Variants in EXTL3 observed in about 807,000 individuals in gnomAD.
The protein encoded by EXTL3 is exostosin-like 3.
In EXTL3, 27 loss-of-function variants were observed where a neutral mutation model predicts 69.3. That is an observed-to-expected ratio of 0.39 (90% confidence interval 0.29 to 0.54). The LOEUF is 0.54. Ranked by LOEUF, EXTL3 falls within the 20% of genes least tolerant of loss-of-function variation. The probability of loss-of-function intolerance (pLI) is 0.69; values close to 1 mark genes in which losing one functional copy is unlikely to be tolerated. For missense variants in EXTL3, 1,003 were observed against 1,231.8 expected, an observed-to-expected ratio of 0.81 and a Z score of 2.78; for synonymous variants, 511 against 499.4, an observed-to-expected ratio of 1.02 and a Z score of -0.31.
At chr8:28,705,308 G>A (rs1356128636) in intron 1 of EXTL3, among the ~76,000 whole-genome samples, 2 of 152,202 alleles carry the variant, frequency 1.3e-5, no homozygotes, top group African/African-American at 2.4e-5. Context: ...AGTCAAGAAC[G>A]AGGAATTGGG....
At chr8:28,671,309 GTTTTTTTTTTT>G (rs749395423) in intron 1 of EXTL3, among the ~76,000 whole-genome samples, 4 of 89,602 alleles carry the variant, frequency 4.5e-5, no homozygotes, top group Non-Finnish European at 9.1e-5. Flanking sequence ...TTTGTTTTTT[GTTTTTTTTTTT>G]TTTTTTTTTG....
rs35677003 is a variant in EXTL3, at chr8:28,716,572, G to A, written c.513G>A (p.Pro171=). The stretch of plus-strand genomic sequence containing the variant: ...AGGACGATGCCGGCCTCCCTCCCCC[G>A]AAGGCCACTCGGGGCTGCCGGCTAC... The part of the protein sequence containing the change: ...PEKDDAGLPP[P]KATRGCRLHN... Residue 171 remains proline, a synonymous_variant, in exon 3 of 7, where the codon CCG becomes CCA. Coordinates refer to ENST00000220562, the MANE Select transcript of EXTL3 (RefSeq NM_001440.4). The surrounding 1 kb of genome is among the most constrained non-coding windows in gnomAD (Gnocchi z 7.1). 1.8e-4 allele frequency: 295 copies of A among 1,614,144 alleles called. 1 individual carries two copies. In the East Asian group the frequency reaches 5.5e-3, roughly 30 times the overall value.
intron 1 of EXTL3, among the ~76,000 whole-genome samples, chr8:28,691,582 T>G (rs1231242374): frequency 6.6e-6 from 1 of 150,714 alleles, no homozygotes; most frequent in Non-Finnish European, 1.5e-5. Context: ...ATTTTTTTTT[T>G]TTGCTATTGT....
Position 28,717,755 on chromosome 8 carries a change from A to G in EXTL3, c.1696A>G (p.Asn566Asp). ...RSGKAAGTDP[N>D]MADNGDLDLG... ...AGGCAAGGCGGCTGGAACTGACCCC[A>G]ACATGGCTGACAACGGGGACCTGGA... The change falls in exon 3 of 7, where the codon AAC (asparagine) becomes GAC (aspartate). Residue 566 changes from asparagine to aspartate, a missense_variant. Asn to Asp is a conservative substitution (Grantham distance 23). This residue lies in a region of EXTL3 where 742 missense variants were observed against 815.4 expected (regional missense o/e 0.91). Coordinates refer to ENST00000220562, the MANE Select transcript of EXTL3 (RefSeq NM_001440.4). The surrounding 1 kb of genome is among the most constrained non-coding windows in gnomAD (Gnocchi z 8.3). 15 of 1,614,134 alleles carry G rather than the reference A, an allele frequency of 9.3e-6. No homozygotes were observed. The highest frequency in any genetic ancestry group is 1.7e-4 in the Middle Eastern group (1 of 6,060).
At position 28,716,588 on chromosome 8, in the gene EXTL3, T is replaced by C; in HGVS notation, c.529T>C (p.Cys177Arg). 1 of 1,614,218 alleles carries C rather than the reference T, an allele frequency of 6.2e-7. No individual in the cohort carries two copies. The highest frequency in any genetic ancestry group is 8.5e-7 in the Non-Finnish European group (1 of 1,180,030). The change falls in exon 3 of 7, where the codon TGC (cysteine) becomes CGC (arginine). Residue 177 changes from cysteine (C) to arginine (R), a missense_variant. Transcript: ENST00000220562. This position sits in a 1 kb window ranked among gnomAD's most constrained non-coding sequence, Gnocchi z 7.1. ...GLPPPKATRG[C>R]RLHNCFDYSR... Reference sequence around the variant, plus strand: ...CCCTCCCCCGAAGGCCACTCGGGGCTGCCGGCTACACAACTGCTTTGATTA... The same window carrying C: ...CCCTCCCCCGAAGGCCACTCGGGGCCGCCGGCTACACAACTGCTTTGATTA...
At chr8:28,739,872 A>G (rs1331012831) in intron 5 of EXTL3, 1 of 152,212 alleles carries the variant, frequency 6.6e-6, no homozygotes, top group Non-Finnish European at 1.5e-5. Context: ...TGATCTTAGC[A>G]GCGTCTACTC....
chr8:28,642,982 G>A (rs527332543), intron 1 of EXTL3, among the ~76,000 whole-genome samples: 8 of 151,374 alleles, frequency 5.3e-5, no homozygotes, highest in Admixed American at 2.0e-4. Flanking sequence ...GCTGGTTCAC[G>A]CCTGTAATCC....
At chr8:28,678,718 A>G (rs1807429838) in intron 1 of EXTL3, among the ~76,000 whole-genome samples, 1 of 152,194 alleles carries the variant, frequency 6.6e-6, no homozygotes, top group South Asian at 2.1e-4. Context: ...ACTAAGACAG[A>G]TGCCATCGCT....
chr8:28,705,925 C>T (rs1009734007), intron 1 of EXTL3, among the ~76,000 whole-genome samples: 5 of 152,116 alleles, frequency 3.3e-5, no homozygotes, highest in Non-Finnish European at 5.9e-5. Flanking sequence ...CTAGAAGTGC[C>T]TCTGTTGGTG....
chr8:28,740,128 A>G (rs1351443344), intron 5 of EXTL3: 2 of 152,236 alleles, frequency 1.3e-5, no homozygotes, highest in Non-Finnish European at 2.9e-5. Context: ...AAAAATCACA[A>G]GATTTCACAA....
intron 1 of EXTL3, among the ~76,000 whole-genome samples, chr8:28,677,258 G>A (rs1186305337): frequency 6.6e-6 from 1 of 152,120 alleles, no homozygotes; most frequent in African/African-American, 2.4e-5. Flanking sequence ...AAGCCGCTTT[G>A]AGGAAGATGA....
In EXTL3 at chr8:28,718,156, C is replaced by T. The variant is rs779358260; in HGVS notation, c.2097C>T (p.Pro699=). The change falls in exon 3 of 7, where the codon CCC becomes CCT. Residue 699 remains proline, a synonymous_variant. Coordinates refer to ENST00000220562, the MANE Select transcript of EXTL3 (RefSeq NM_001440.4). Reference sequence around the variant, plus strand: ...AGGTCGTGGTGGTGTGGAATTCTCCCAAGCTGCCATCAGAGGACCTTCTGT... The same window carrying T: ...AGGTCGTGGTGGTGTGGAATTCTCCTAAGCTGCCATCAGAGGACCTTCTGT... ...LNKVVVVWNS[P]KLPSEDLLWP... is the part of the protein sequence containing the mutation. 6.2e-7 allele frequency: 1 copy of T among 1,614,060 alleles called. No homozygotes were observed. The highest frequency in any genetic ancestry group is 1.1e-5 in the South Asian group (1 of 91,080).
At chr8:28,722,737 G>A (rs1437012499) in intron 3 of EXTL3, among the ~76,000 whole-genome samples, 4 of 145,386 alleles carry the variant, frequency 2.8e-5, no homozygotes, top group South Asian at 2.1e-4. Flanking sequence ...TTGTGCCACC[G>A]CGCTCCAGCC....
chr8:28,629,155 C>T (rs1268668717), intron 1 of EXTL3, among the ~76,000 whole-genome samples: 1 of 138,464 alleles, frequency 7.2e-6, no homozygotes, highest in Non-Finnish European at 1.6e-5. Context: ...CACCCTCCCC[C>T]ACCCCCACCC....
At chr8:28,744,280 T>A (rs1287050630) in intron 6 of EXTL3, among the ~76,000 whole-genome samples, 1 of 152,246 alleles carries the variant, frequency 6.6e-6, no homozygotes, top group Non-Finnish European at 1.5e-5. Flanking sequence ...ACTAATGAGG[T>A]CTTATTTTCA....
chr8:28,653,122 A>G (rs1281373477), intron 1 of EXTL3, among the ~76,000 whole-genome samples: 1 of 152,226 alleles, frequency 6.6e-6, no homozygotes, highest in African/African-American at 2.4e-5. Context: ...TGATAGTAGC[A>G]TATAGAATAG....
chr8:28,628,556 A>G lies in EXTL3; in HGVS notation c.-53+5746A>G, dbSNP rs191494940. Among the ~76,000 whole-genome samples the G allele has an allele frequency of 3.3e-5, 5 of 152,256 alleles. No homozygotes were observed. The East Asian group carries it at 9.7e-4, about 29-fold the overall frequency. Reference sequence around the variant, plus strand: ...TCAATAAAAACTGGTGAAAATGGCCAATTTTATGTTCAATCTATTTTACCA... The same window carrying G: ...TCAATAAAAACTGGTGAAAATGGCCGATTTTATGTTCAATCTATTTTACCA... On this transcript the variant is annotated intron_variant, in intron 1 of 6. Transcript: ENST00000523149.
In EXTL3 at chr8:28,717,754, C is replaced by T. The variant is rs1211849754; in HGVS notation, c.1695C>T (p.Pro565=). The T allele has an allele frequency of 7.4e-6, 12 of 1,614,168 alleles. No homozygotes were observed. In the African/African-American group the frequency reaches 1.1e-4, roughly 14 times the overall value. Residue 565 remains proline (P), a synonymous_variant, in exon 3 of 7, where the codon CCC becomes CCT. Coordinates refer to ENST00000220562, the MANE Select transcript of EXTL3 (RefSeq NM_001440.4). The surrounding 1 kb of genome is among the most constrained non-coding windows in gnomAD (Gnocchi z 8.3). ...CAGGCAAGGCGGCTGGAACTGACCC[C>T]AACATGGCTGACAACGGGGACCTGG... is the stretch of plus-strand genomic sequence containing the variant. ...HRSGKAAGTD[P]NMADNGDLDL... is the part of the protein sequence containing the mutation.
chr8:28,670,207 T>TAAAAAAAAAAAA (rs1563442495), intron 1 of EXTL3, among the ~76,000 whole-genome samples: 1 of 3,360 alleles, frequency 3.0e-4, no homozygotes. Context: ...AGACTCTGTC[T>TAAAAAAAAAAAA]CAAAAAAAAA....
Sources: gnomAD v4.1 joint callset for allele counts (sites outside exome capture counted in the v4.1 genomes callset) on GRCh38, gnomAD v4.1.1 for gene constraint, gnomAD v4.1.1 regional missense constraint, Gnocchi (gnomAD v3.1) non-coding constraint, MANE v1.5 for transcripts, NCBI Gene and HGNC (gene_info 2026-07-23, HGNC 2026-07-21) for gene names.